Variants in N4BP1 observed in about 807,000 individuals in gnomAD.
N4BP1 encodes the protein NEDD4-binding protein 1.
Under a neutral mutation model 70.9 loss-of-function variants are expected in N4BP1, and 21 were observed. The ratio of observed to expected loss-of-function variants is 0.30; its 90% CI spans 0.21 to 0.43. The LOEUF (loss-of-function observed/expected upper bound fraction) is 0.43. Ranked by LOEUF, N4BP1 falls within the 20% of genes least tolerant of loss-of-function variation. The probability of loss-of-function intolerance (pLI) is 1.00; values close to 1 mark genes in which losing one functional copy is unlikely to be tolerated. For synonymous variants in N4BP1, 387 were observed against 394.6 expected (o/e 0.98, Z 0.23); for missense variants, 936 against 1,069.4 (o/e 0.88, Z 1.74).
chr16:48,547,612 T>C (rs1963607725), intron 5 of N4BP1, among the ~76,000 whole-genome samples: 1 of 152,266 alleles, frequency 6.6e-6, no homozygotes, highest in South Asian at 2.1e-4. Flanking sequence ...CACATTGCTT[T>C]CGGTCCTTTC....
chr16:48,575,800 C>T (rs1003725045), intron 1 of N4BP1, among the ~76,000 whole-genome samples: 1 of 152,188 alleles, frequency 6.6e-6, no homozygotes, highest in Non-Finnish European at 1.5e-5. Context: ...TCAAGGCAGA[C>T]ACAACGGTTA....
intron 2 of N4BP1, among the ~76,000 whole-genome samples, chr16:48,554,320 G>A (rs533027036): frequency 1.2e-3 from 178 of 152,300 alleles, no homozygotes; most frequent in African/African-American, 4.0e-3. Flanking sequence ...ACAGATAACT[G>A]TAAGTGAATG....
intron 3 of N4BP1, among the ~76,000 whole-genome samples, chr16:48,553,260 A>G (rs1963702449): frequency 6.6e-6 from 1 of 152,252 alleles, no homozygotes; most frequent in South Asian, 2.1e-4. Context: ...TAATAAAAAG[A>G]CATTTTTTAG....
intron 1 of N4BP1, among the ~76,000 whole-genome samples, chr16:48,594,964 A>G (rs528196701): frequency 6.6e-6 from 1 of 152,250 alleles, no homozygotes; most frequent in South Asian, 2.1e-4. Flanking sequence ...ATTAGCTATA[A>G]AACTTTGACA....
intron 6 of N4BP1, 173 bp downstream of exon 6, chr16:48,545,974 G>T: frequency 2.1e-6 from 1 of 476,142 alleles, no homozygotes; most frequent in Non-Finnish European, 3.7e-6. Context: ...GTTGCAGTGA[G>T]CCGAAATCAC....
chr16:48,609,904 G>T lies in N4BP1; in HGVS notation c.69C>A (p.Ser23Arg). 3 of 1,468,316 alleles carry T rather than the reference G, an allele frequency of 2.0e-6. No individual in the cohort carries two copies. The highest frequency in any genetic ancestry group is 2.7e-6 in the Non-Finnish European group (3 of 1,110,476). 91.0% of individuals were successfully genotyped at this position (1,468,316 alleles called of 1,614,324 possible). A position where few individuals can be genotyped will look rare whatever the true frequency, so the allele number is the denominator to read the frequency against. The change falls in exon 1 of 7, where the codon AGC becomes AGA. Residue 23 changes from serine (S) to arginine (R), a missense_variant. Around this residue, in one of 4 missense-constraint regions of N4BP1, gnomAD observed 187 missense variants for 217.1 expected, o/e 0.86. Transcript: ENST00000262384. Reference sequence around the variant, plus strand: ...CAAACAGGCCCTCGATACGGCCGCGGCTCTGCTCCAGCAGCTCCGCCTTCT... The same window carrying T: ...CAAACAGGCCCTCGATACGGCCGCGTCTCTGCTCCAGCAGCTCCGCCTTCT... The part of the protein sequence containing the change: ...PAEKAELLEQ[S>R]RGRIEGLFGV...
intron 1 of N4BP1, among the ~76,000 whole-genome samples, chr16:48,576,037 A>ATT (rs201851184): frequency 6.8e-6 from 1 of 146,044 alleles, no homozygotes; most frequent in East Asian, 2.0e-4. Context: ...TTAGTATGCT[A>ATT]TTTTTTTTTT....
intron 2 of N4BP1, among the ~76,000 whole-genome samples, chr16:48,560,095 G>A (rs1294633624): frequency 7.9e-6 from 1 of 126,882 alleles, no homozygotes; most frequent in Non-Finnish European, 1.6e-5. Context: ...ATCTTAAACT[G>A]CCCCTTAGAA....
chr16:48,609,581 A>G lies in N4BP1; in HGVS notation c.198+194T>C, dbSNP rs1184947727. ...TCAGCGCCACTTTACAAATGGGGAA[A>G]CTGAGGCTCCGGGGATCAAGCCGCT... On this transcript the variant is annotated intron_variant, in intron 1 of 6. Transcript: ENST00000262384. Among the ~76,000 whole-genome samples the G allele has an allele frequency of 2.0e-5, 3 of 152,332 alleles. No homozygotes were observed. The East Asian group carries it at 5.8e-4, about 29-fold the overall frequency.
At chr16:48,544,848 C>T (rs1280242460) in intron 6 of N4BP1, among the ~76,000 whole-genome samples, 19 of 152,180 alleles carry the variant, frequency 1.2e-4, no homozygotes, top group Non-Finnish European at 1.9e-4. Context: ...AAGACACTCA[C>T]ACATACAAAA....
At chr16:48,606,793 G>A (rs1964588465) in intron 1 of N4BP1, among the ~76,000 whole-genome samples, 2 of 152,240 alleles carry the variant, frequency 1.3e-5, no homozygotes, top group Middle Eastern at 3.4e-3. Flanking sequence ...CCACTTGGTG[G>A]GACACAAGAC....
intron 2 of N4BP1, chr16:48,560,471 C>T (rs1387421408): frequency 6.7e-6 from 2 of 300,554 alleles, no homozygotes; most frequent in Non-Finnish European, 1.2e-5. Context: ...TTAAAAGTCA[C>T]TATACTACAT....
chr16:48,563,371 A>G (rs1022755443), intron 1 of N4BP1, among the ~76,000 whole-genome samples: 2 of 151,818 alleles, frequency 1.3e-5, no homozygotes, highest in Non-Finnish European at 2.9e-5. Flanking sequence ...AAAATTTTTT[A>G]AATTTTTAAT....
At chr16:48,565,305 G>A (rs1452291163) in intron 1 of N4BP1, among the ~76,000 whole-genome samples, 1 of 152,136 alleles carries the variant, frequency 6.6e-6, no homozygotes, top group Non-Finnish European at 1.5e-5. Flanking sequence ...TTTTACCAAC[G>A]TTCTTTATCA....
rs2151089200 is a variant in N4BP1, at chr16:48,560,941, G to A, written c.1702C>T (p.Pro568Ser). ...TCAGTAACCGAAGGTAACAGCTGGG[G>A]CAGTGGCATTGGTGGAGAAAGGGTT... The part of the protein sequence containing the change: ...CSTLSPPMPL[P>S]QLLPSVTDAR... Residue 568 changes from proline to serine, a missense_variant, in exon 2 of 7, where the codon CCC becomes TCC. Pro to Ser is a moderately conservative substitution (Grantham distance 74). Coordinates refer to ENST00000262384, the MANE Select transcript of N4BP1 (RefSeq NM_153029.4). 1.2e-6 allele frequency: 2 copies of A among 1,614,034 alleles called. No individual in the cohort carries two copies. Among genetic ancestry groups the A allele is most frequent in the East Asian group, 2.2e-5 (1 of 44,888 alleles).
intron 1 of N4BP1, among the ~76,000 whole-genome samples, chr16:48,588,855 T>C (rs1014909702): frequency 1.3e-5 from 2 of 152,066 alleles, no homozygotes; most frequent in Non-Finnish European, 2.9e-5. Flanking sequence ...GAGGTAAAAA[T>C]AGTTTTTACA....
At chr16:48,582,117 A>C (rs1425941365) in intron 1 of N4BP1, among the ~76,000 whole-genome samples, 1 of 152,236 alleles carries the variant, frequency 6.6e-6, no homozygotes. Context: ...CAATCCAATT[A>C]AAAAATGAGC....
rs909568023 is a variant in N4BP1, at chr16:48,561,964, T to C, written c.679A>G (p.Arg227Gly). 8.7e-6 allele frequency: 14 copies of C among 1,613,870 alleles called. No homozygotes were observed. Among genetic ancestry groups the C allele is most frequent in the Non-Finnish European group, 1.2e-5 (14 of 1,179,892 alleles). Residue 227 changes from arginine (R) to glycine (G), a missense_variant, in exon 2 of 7, where the codon AGA becomes GGA. Coordinates refer to ENST00000262384, the MANE Select transcript of N4BP1 (RefSeq NM_153029.4). ...QNAATGLNISRDETVLQEEAR... is the reference protein window; with the variant it reads ...QNAATGLNISGDETVLQEEAR... ...TCTTCCTGCAAAACAGTTTCATCTC[T>C]AGAAATATTCAGCCCTGTGGCAGCA...
intron 1 of N4BP1, among the ~76,000 whole-genome samples, chr16:48,565,513 T>C (rs1963929337): frequency 1.3e-5 from 2 of 152,250 alleles, no homozygotes; most frequent in South Asian, 4.1e-4. Flanking sequence ...TTATGGTGTA[T>C]AATTCTTTCA....
Sources: allele counts gnomAD v4.1 joint callset (sites outside exome capture counted in the v4.1 genomes callset), GRCh38; gene constraint gnomAD v4.1.1; regional missense constraint gnomAD v4.1.1; transcripts MANE v1.5; gene names NCBI Gene and HGNC (gene_info 2026-07-23, HGNC 2026-07-21).